Variants in TRAK1 observed in about 807,000 individuals in gnomAD.
TRAK1 encodes trafficking kinesin-binding protein 1.
A neutral mutation model predicts 92.1 loss-of-function variants in TRAK1; 33 were observed. That is an observed-to-expected ratio of 0.36 (90% CI 0.27 to 0.48). The LOEUF (loss-of-function observed/expected upper bound fraction) is 0.48, where lower values mean the gene tolerates loss of function less well. Ranked by LOEUF, TRAK1 falls within the 20% of genes least tolerant of loss-of-function variation. The pLI is 0.99. For missense variants in TRAK1, 1,123 were observed against 1,257.9 expected (o/e 0.89, Z 1.62); for synonymous variants, 521 against 517.3 (o/e 1.01, Z -0.10).
chr3:42,210,445 A>C (rs1222379685), intron 14 of TRAK1: 1 of 1,272,026 alleles, frequency 7.9e-7, no homozygotes, highest in African/African-American at 1.5e-5. Flanking sequence ...TGGGTCCCTG[A>C]AAACATCAGT....
chr3:42,019,051 A>G, intron 1 of TRAK1, among the ~76,000 whole-genome samples: 1 of 152,082 alleles, frequency 6.6e-6, no homozygotes, highest in East Asian at 1.9e-4. Flanking sequence ...GAACCCGGGA[A>G]GTGGAGGTTG....
In TRAK1 at chr3:42,156,770, A is replaced by G. The variant is rs1342954559; in HGVS notation, c.287-20044A>G. On this transcript the variant is annotated intron_variant, in intron 2 of 15. Transcript: ENST00000327628. ...ATATATCACCATGAAACACTGTTGA[A>G]TAACAAAGGGAAAAATAATAGCTTC... 2.0e-5 allele frequency among the ~76,000 whole-genome samples: 3 copies of G among 152,240 alleles called. No individual in the cohort carries two copies. The East Asian group carries it at 5.8e-4, about 29-fold the overall frequency.
intron 14 of TRAK1, chr3:42,212,248 G>A (rs1709137806): frequency 1.0e-6 from 1 of 985,294 alleles, no homozygotes; most frequent in African/African-American, 1.7e-5. Flanking sequence ...TGGTGGTCTG[G>A]TCCCTGCCTT....
chr3:42,180,456 G>A (rs946333948), intron 3 of TRAK1, among the ~76,000 whole-genome samples: 2 of 152,064 alleles, frequency 1.3e-5, no homozygotes, highest in Non-Finnish European at 2.9e-5. Context: ...AGCATAGTGA[G>A]ACCCTGTCTC....
chr3:42,164,683 C>T (rs1194043034), intron 2 of TRAK1, among the ~76,000 whole-genome samples: 2 of 152,184 alleles, frequency 1.3e-5, no homozygotes, highest in Non-Finnish European at 2.9e-5. Context: ...ACTGTCTTTC[C>T]AGGGAGAGGA....
Position 42,223,744 on chromosome 3 carries a change from G to C in TRAK1, c.*7G>C. 1.9e-6 allele frequency: 3 copies of C among 1,594,622 alleles called. No homozygotes were observed. In the South Asian group the frequency reaches 3.4e-5, roughly 18 times the overall value. On this transcript the variant is annotated 3_prime_UTR_variant, in exon 16 of 16. Coordinates refer to ENST00000327628, the MANE Select transcript of TRAK1 (RefSeq NM_001042646.3). This position sits in a 1 kb window ranked among gnomAD's most constrained non-coding sequence, Gnocchi z 6.1. ...ACAAACTAGCTTACGGTGAGGACTGGAGGGGGGCCGGTTGCCCTAGAGGAG... is the reference window on the plus strand; with the variant it reads ...ACAAACTAGCTTACGGTGAGGACTGCAGGGGGGCCGGTTGCCCTAGAGGAG...
At chr3:42,103,978 C>T (rs555766646) in intron 1 of TRAK1, among the ~76,000 whole-genome samples, 10 of 152,172 alleles carry the variant, frequency 6.6e-5, no homozygotes, top group Admixed American at 1.3e-4. Flanking sequence ...CCTAATACTG[C>T]GCTTTTCCAA....
At chr3:42,073,317 A>C (rs1375003897) in intron 1 of TRAK1, among the ~76,000 whole-genome samples, 1 of 152,104 alleles carries the variant, frequency 6.6e-6, no homozygotes, top group Non-Finnish European at 1.5e-5. Flanking sequence ...GGCTCGTCTA[A>C]ATCTTTCTTA....
At chr3:42,033,585 C>CTCAATCAATCAA (rs61686568) in intron 1 of TRAK1, among the ~76,000 whole-genome samples, 2,564 of 151,586 alleles carry the variant, frequency 0.017, 38 homozygotes, top group South Asian at 0.051. Flanking sequence ...AAGACCCTGT[C>CTCAATCAATCAA]TCAATCAATC....
intron 1 of TRAK1, among the ~76,000 whole-genome samples, chr3:42,112,566 C>T (rs1452759539): frequency 6.6e-6 from 1 of 151,534 alleles, no homozygotes; most frequent in East Asian, 2.0e-4. Flanking sequence ...AAAACTGTGT[C>T]TCTACTAAAA....
intron 1 of TRAK1, among the ~76,000 whole-genome samples, chr3:42,041,076 T>C (rs1195609237): frequency 1.3e-5 from 2 of 151,286 alleles, no homozygotes; most frequent in Admixed American, 6.6e-5. Context: ...AAGATTATTT[T>C]GGCTATTCTA....
intron 2 of TRAK1, among the ~76,000 whole-genome samples, chr3:42,171,105 G>A (rs547459224): frequency 6.6e-5 from 10 of 152,112 alleles, no homozygotes; most frequent in African/African-American, 1.9e-4. Flanking sequence ...GTGAGCCACC[G>A]CGCGTGGCCC....
At chr3:42,140,016 C>T (rs1306301426) in intron 2 of TRAK1, among the ~76,000 whole-genome samples, 10 of 152,180 alleles carry the variant, frequency 6.6e-5, no homozygotes, top group African/African-American at 1.4e-4. Context: ...CCATGCAGGC[C>T]GTGTACTGAT....
chr3:42,018,992 G>A (rs1701634017), intron 1 of TRAK1, among the ~76,000 whole-genome samples: 1 of 151,956 alleles, frequency 6.6e-6, no homozygotes, highest in South Asian at 2.1e-4. Context: ...CGTGCTGGTG[G>A]ACGCCTGTAA....
intron 10 of TRAK1, among the ~76,000 whole-genome samples, chr3:42,198,867 G>T (rs960309574): frequency 1.3e-5 from 2 of 151,950 alleles, no homozygotes; most frequent in Non-Finnish European, 1.5e-5. Context: ...ATCCCATCTC[G>T]TAGCCATGGT....
intron 3 of TRAK1, among the ~76,000 whole-genome samples, chr3:42,181,459 A>G (rs930015073): frequency 4.6e-5 from 7 of 152,324 alleles, no homozygotes; most frequent in Middle Eastern, 3.4e-3. Context: ...CAGGAGAATC[A>G]CTAGAACCTA....
rs1553608765 is a variant in TRAK1 at position 42,201,097 on chromosome 3, G to A, written c.1427+43G>A. On this transcript the variant is annotated intron_variant, in intron 12 of 15. Coordinates refer to ENST00000327628, the MANE Select transcript of TRAK1 (RefSeq NM_001042646.3). ...TTTCACTTCTCTGTTTTGGGGTGAG[G>A]AGTGGTAGTATGGATTGTCTGCAGG... 32 of 1,587,874 alleles carry A rather than the reference G, an allele frequency of 2.0e-5. 2 individuals are homozygous for A. In the South Asian group the frequency reaches 3.5e-4, roughly 18 times the overall value.
intron 2 of TRAK1, among the ~76,000 whole-genome samples, chr3:42,149,997 T>C (rs1316743389): frequency 6.6e-6 from 1 of 152,108 alleles, no homozygotes; most frequent in Non-Finnish European, 1.5e-5. Flanking sequence ...GGGCTTGGAA[T>C]AGTGTGTTCA....
At chr3:42,079,544 A>G (rs1348597864) in intron 1 of TRAK1, among the ~76,000 whole-genome samples, 9 of 141,342 alleles carry the variant, frequency 6.4e-5, no homozygotes, top group African/African-American at 2.4e-4. Flanking sequence ...ACAATGGTGC[A>G]GTCTCGGCTT....
Sources: allele counts gnomAD v4.1 joint callset (sites outside exome capture counted in the v4.1 genomes callset), GRCh38; gene constraint gnomAD v4.1.1; non-coding constraint Gnocchi (gnomAD v3.1); transcripts MANE v1.5; gene names NCBI Gene and HGNC (gene_info 2026-07-23, HGNC 2026-07-21).